Variants in CCDC171 observed in about 807,000 individuals in gnomAD.
CCDC171 encodes the protein coiled-coil domain-containing protein 171.
Under a neutral mutation model 168.2 loss-of-function variants are expected in CCDC171, and 177 were observed. The ratio of observed to expected loss-of-function variants is 1.05; its 90% CI spans 0.93 to 1.19. CCDC171 has a LOEUF of 1.19. Ranked by LOEUF, CCDC171 falls within the 50% of genes most tolerant of loss-of-function variation. The pLI is 0.00. For missense variants in CCDC171, 1,991 were observed against 1,539.0 expected (o/e 1.29, Z -4.91); for synonymous variants, 687 against 540.8 (o/e 1.27, Z -3.75).
intron 18 of CCDC171, among the ~76,000 whole-genome samples, chr9:15,750,603 A>G (rs963385341): frequency 2.7e-5 from 4 of 150,112 alleles, no homozygotes; most frequent in Admixed American, 1.3e-4. Context: ...CAGCACATCA[A>G]AAATGCAAGG....
intron 7 of CCDC171, among the ~76,000 whole-genome samples, chr9:15,633,673 G>T (rs1300958315): frequency 1.3e-5 from 2 of 152,040 alleles, no homozygotes. Context: ...CCCATTACTG[G>T]GTATATACCG....
At position 15,971,841 on chromosome 9, in the gene CCDC171, A is replaced by G. The variant is rs377470308; in HGVS notation, c.*5A>G. 6.2e-7 allele frequency: 1 copy of G among 1,602,298 alleles called. No individual in the cohort carries two copies. Among genetic ancestry groups the G allele is most frequent in the Non-Finnish European group, 8.5e-7 (1 of 1,169,972 alleles). ...CCAACTCAGATTGGATTATGACTTC[A>G]TGAAATTAAAAAATGGAGGAAGAGT... On this transcript the variant is annotated 3_prime_UTR_variant, in exon 26 of 26. Coordinates refer to ENST00000380701, the MANE Select transcript of CCDC171 (RefSeq NM_173550.4).
chr9:15,723,686 G>T lies in CCDC171; in HGVS notation c.1431G>T (p.Lys477Asn), dbSNP rs1423529001. 6.3e-7 allele frequency: 1 copy of T among 1,592,686 alleles called. No individual in the cohort carries two copies. Among genetic ancestry groups the T allele is most frequent in the Non-Finnish European group, 8.6e-7 (1 of 1,167,480 alleles). The change falls in exon 13 of 26, where the codon AAG (lysine) becomes AAT (asparagine). Residue 477 changes from lysine to asparagine, a missense_variant. Physicochemically the swap from Lys to Asn is moderately conservative, Grantham distance 94. Transcript: ENST00000380701. ...ACAGCATGAATGATGTTAAGGAAAA[G>T]GCATGTAATGAACTTGATTCTACGA... ...NKLEDASNEE[K>N]ACNELDSTKQ...
chr9:15,800,074 TG>T (rs1465408864), intron 21 of CCDC171, among the ~76,000 whole-genome samples: 1 of 152,142 alleles, frequency 6.6e-6, no homozygotes, highest in Non-Finnish European at 1.5e-5. Context: ...CTATGACAAA[TG>T]TGGGAGTGCA....
intron 23 of CCDC171, among the ~76,000 whole-genome samples, chr9:15,864,712 T>A (rs1356353802): frequency 6.6e-6 from 1 of 152,090 alleles, no homozygotes; most frequent in Non-Finnish European, 1.5e-5. Flanking sequence ...AATGTCTGGA[T>A]TGTTTAGGAT....
chr9:15,968,645 C>G (rs1384312320), intron 25 of CCDC171, among the ~76,000 whole-genome samples: 5 of 146,894 alleles, frequency 3.4e-5, no homozygotes, highest in African/African-American at 7.5e-5. Context: ...CCTCTGGATT[C>G]AAGCGATTCC....
At chr9:15,589,927 A>G (rs184351764) in intron 4 of CCDC171, among the ~76,000 whole-genome samples, 1 of 152,346 alleles carries the variant, frequency 6.6e-6, no homozygotes, top group East Asian at 1.9e-4. Flanking sequence ...CATCAATGAA[A>G]ATAACTCAAG....
downstream of CCDC171, among the ~76,000 whole-genome samples, chr9:15,978,767 A>G (rs984651061): frequency 5.9e-5 from 9 of 152,198 alleles, no homozygotes; most frequent in Non-Finnish European, 1.0e-4. Flanking sequence ...CATACAATGT[A>G]TCCTTTTAAA....
intron 11 of CCDC171, among the ~76,000 whole-genome samples, chr9:15,706,329 G>A (rs564380295): frequency 1.3e-5 from 2 of 151,528 alleles, no homozygotes; most frequent in Non-Finnish European, 2.9e-5. Flanking sequence ...TCACTCTGTT[G>A]GTTGGGCTGG....
intron 21 of CCDC171, among the ~76,000 whole-genome samples, chr9:15,790,790 G>T (rs1342681208): frequency 1.3e-5 from 2 of 152,172 alleles, no homozygotes; most frequent in Admixed American, 1.3e-4. Flanking sequence ...GTAAGGAAGG[G>T]ATCCAGTTTC....
the CCDC171 span, among the ~76,000 whole-genome samples, chr9:16,095,771 T>A: frequency 5.3e-5 from 8 of 151,582 alleles, no homozygotes; most frequent in Admixed American, 6.6e-5. Context: ...TCTCTGAGCC[T>A]CAGCGTCTTT....
At chr9:15,785,466 A>G (rs533916103) in intron 21 of CCDC171, among the ~76,000 whole-genome samples, 30 of 152,228 alleles carry the variant, frequency 2.0e-4, no homozygotes, top group African/African-American at 5.8e-4. Context: ...TAATAATACT[A>G]TTATGATCAA....
chr9:15,576,133 TTGTG>T lies in CCDC171; in HGVS notation c.178-2692_178-2689del, dbSNP rs202239015. ...TAGCTACATATATATCATATTTCAG[TTGTG>T]TGTGTGTGTGTGTGTGTGTGTGTAT... is the stretch of plus-strand genomic sequence containing the variant. On this transcript the variant is annotated intron_variant, in intron 3 of 25. Transcript: ENST00000380701. Among the ~76,000 whole-genome samples the T allele has an allele frequency of 3.1e-3, 445 of 145,286 alleles. 1 individual carries two copies. Among genetic ancestry groups the T allele is most frequent in the South Asian group, 0.015 (69 of 4,572 alleles).
intron 21 of CCDC171, among the ~76,000 whole-genome samples, chr9:15,810,704 G>T (rs943829242): frequency 7.9e-5 from 12 of 152,190 alleles, no homozygotes; most frequent in African/African-American, 2.9e-4. Flanking sequence ...CGAGTGCGGG[G>T]CCTGCCGAGC....
At chr9:15,903,152 A>G (rs1393799495) in intron 24 of CCDC171, among the ~76,000 whole-genome samples, 1 of 152,208 alleles carries the variant, frequency 6.6e-6, no homozygotes, top group Non-Finnish European at 1.5e-5. Context: ...GCAGACTTAA[A>G]TGTCCCTGTC....
chr9:16,086,563 C>T, the CCDC171 span, among the ~76,000 whole-genome samples: 8 of 152,108 alleles, frequency 5.3e-5, no homozygotes, highest in Admixed American at 2.0e-4. Context: ...GCCTCAGCCT[C>T]CCTATCATTT....
At chr9:15,979,803 G>T (rs956734752) in intron 3 of CCDC171, among the ~76,000 whole-genome samples, 1 of 151,808 alleles carries the variant, frequency 6.6e-6, no homozygotes, top group African/African-American at 2.4e-5. Context: ...CTCATAGAAT[G>T]ATTGGGAAAT....
intron 11 of CCDC171, among the ~76,000 whole-genome samples, chr9:15,711,670 A>G (rs2052675762): frequency 6.6e-6 from 1 of 152,246 alleles, no homozygotes; most frequent in Non-Finnish European, 1.5e-5. Context: ...ATTAGACCTT[A>G]TGCAATTGTG....
At chr9:15,629,579 T>C (rs181156666) in intron 7 of CCDC171, among the ~76,000 whole-genome samples, 2 of 152,192 alleles carry the variant, frequency 1.3e-5, no homozygotes, top group East Asian at 3.9e-4. Context: ...ACGGGGAGAA[T>C]GGAACCAAGT....
Sources: gnomAD v4.1 joint callset for allele counts (sites outside exome capture counted in the v4.1 genomes callset) on GRCh38, gnomAD v4.1.1 for gene constraint, MANE v1.5 for transcripts, NCBI Gene and HGNC (gene_info 2026-07-23, HGNC 2026-07-21) for gene names.